Variants in HS6ST3 observed in about 807,000 individuals in gnomAD.
HS6ST3 encodes the protein heparan sulfate 6-O-sulfotransferase 3, also known as heparan-sulfate 6-O-sulfotransferase 3.
HS6ST3 carries 12 observed loss-of-function variants against 36.7 expected under a neutral mutation model. The ratio of observed to expected loss-of-function variants is 0.33; its 90% CI spans 0.21 to 0.53. The LOEUF is 0.53. Ranked by LOEUF, HS6ST3 falls within the 20% of genes least tolerant of loss-of-function variation. HS6ST3 has a pLI of 0.95. For synonymous variants in HS6ST3, 240 were observed against 257.5 expected, an observed-to-expected ratio of 0.93 and a Z score of 0.65; for missense variants, 584 against 640.9, an observed-to-expected ratio of 0.91 and a Z score of 0.96.
chr13:96,592,168 A>G (rs944910755), intron 1 of HS6ST3, among the ~76,000 whole-genome samples: 1 of 152,070 alleles, frequency 6.6e-6, no homozygotes, highest in Non-Finnish European at 1.5e-5. Context: ...TCTTTCTTTA[A>G]TATGTCTTTG....
At chr13:96,173,669 T>TGA (rs2054199004) in intron 1 of HS6ST3, among the ~76,000 whole-genome samples, 1 of 94,862 alleles carries the variant, frequency 1.1e-5, no homozygotes, top group African/African-American at 4.2e-5. Context: ...TCACAGGTTG[T>TGA]AAAAAAAAAA....
chr13:96,112,852 C>T (rs2053877399), intron 1 of HS6ST3, among the ~76,000 whole-genome samples: 1 of 151,798 alleles, frequency 6.6e-6, no homozygotes, highest in African/African-American at 2.4e-5. Flanking sequence ...TGGAGGGTAT[C>T]TGTGGGTTTG....
intron 1 of HS6ST3, among the ~76,000 whole-genome samples, chr13:96,637,311 T>C (rs1380332018): frequency 6.6e-6 from 1 of 152,146 alleles, no homozygotes; most frequent in Non-Finnish European, 1.5e-5. Flanking sequence ...GTTAAGCACC[T>C]GATATTTTGT....
intron 1 of HS6ST3, among the ~76,000 whole-genome samples, chr13:96,358,147 A>C (rs2055219259): frequency 6.6e-6 from 1 of 152,222 alleles, no homozygotes; most frequent in African/African-American, 2.4e-5. Context: ...TTAAAAAATA[A>C]AAATGGAAGA....
chr13:96,331,183 C>G (rs1010754330), intron 1 of HS6ST3, among the ~76,000 whole-genome samples: 1 of 152,218 alleles, frequency 6.6e-6, no homozygotes, highest in Non-Finnish European at 1.5e-5. Flanking sequence ...CTCAGCTCGT[C>G]AAAGTCATTC....
intron 1 of HS6ST3, among the ~76,000 whole-genome samples, chr13:96,140,624 C>CAAAATA (rs1271682761): frequency 6.6e-6 from 1 of 152,068 alleles, no homozygotes; most frequent in Admixed American, 6.6e-5. Flanking sequence ...CCTGCTATTT[C>CAAAATA]AAAATAAATG....
At chr13:96,503,286 A>G (rs1439786003) in intron 1 of HS6ST3, among the ~76,000 whole-genome samples, 13 of 152,266 alleles carry the variant, frequency 8.5e-5, no homozygotes, top group Admixed American at 3.3e-4. Context: ...AACAGAGTAA[A>G]TCAACATCTG....
chr13:96,485,328 A>G (rs1194911706), intron 1 of HS6ST3, among the ~76,000 whole-genome samples: 2 of 151,130 alleles, frequency 1.3e-5, no homozygotes, highest in African/African-American at 4.9e-5. Flanking sequence ...ATACCAAAAT[A>G]TTTTTTTTTA....
intron 1 of HS6ST3, among the ~76,000 whole-genome samples, chr13:96,183,203 G>A (rs184418671): frequency 4.6e-5 from 7 of 151,574 alleles, no homozygotes; most frequent in Non-Finnish European, 7.4e-5. Context: ...TTTTTTTGGC[G>A]GGGGGGAAGT....
At chr13:96,594,834 G>T (rs1190447808) in intron 1 of HS6ST3, among the ~76,000 whole-genome samples, 1 of 151,934 alleles carries the variant, frequency 6.6e-6, no homozygotes, top group Non-Finnish European at 1.5e-5. Context: ...TATACTTTCA[G>T]GTATTTTTGC....
intron 1 of HS6ST3, among the ~76,000 whole-genome samples, chr13:96,626,044 A>C (rs796595114): frequency 4.2e-4 from 63 of 151,224 alleles, no homozygotes; most frequent in African/African-American, 1.4e-3. Context: ...AGGCTTCACC[A>C]TGTTAGCCAG....
At chr13:96,689,541 G>A (rs561391352) in intron 1 of HS6ST3, among the ~76,000 whole-genome samples, 1 of 148,634 alleles carries the variant, frequency 6.7e-6, no homozygotes, top group Admixed American at 6.7e-5. Context: ...CCCCCAAAAT[G>A]TGTTAATTGG....
At chr13:96,642,467 T>G (rs1322718681) in intron 1 of HS6ST3, among the ~76,000 whole-genome samples, 1 of 151,926 alleles carries the variant, frequency 6.6e-6, no homozygotes, top group Non-Finnish European at 1.5e-5. Flanking sequence ...TCTTTGAATA[T>G]TCTTTCTGCT....
intron 1 of HS6ST3, among the ~76,000 whole-genome samples, chr13:96,261,558 A>T (rs1172098091): frequency 6.6e-6 from 1 of 152,166 alleles, no homozygotes; most frequent in Non-Finnish European, 1.5e-5. Context: ...AGAGGGCCAG[A>T]AGATGGCCTG....
chr13:96,669,823 T>C (rs1281335957), intron 1 of HS6ST3, among the ~76,000 whole-genome samples: 2 of 152,250 alleles, frequency 1.3e-5, no homozygotes, highest in East Asian at 3.9e-4. Flanking sequence ...AGTTGCTATA[T>C]TGACTTAGTT....
At chr13:96,679,684 T>A (rs2056711604) in intron 1 of HS6ST3, among the ~76,000 whole-genome samples, 1 of 152,184 alleles carries the variant, frequency 6.6e-6, no homozygotes, top group African/African-American at 2.4e-5. Context: ...ACTTGAATGC[T>A]GCTCTTCCCT....
intron 1 of HS6ST3, among the ~76,000 whole-genome samples, chr13:96,202,104 C>T (rs1402232097): frequency 6.6e-6 from 1 of 152,290 alleles, no homozygotes; most frequent in African/African-American, 2.4e-5. Context: ...TACTTTGATA[C>T]ATTGCAGTGG....
chr13:96,100,101 G>T (rs1185601569), intron 1 of HS6ST3, among the ~76,000 whole-genome samples: 2 of 151,594 alleles, frequency 1.3e-5, no homozygotes, highest in African/African-American at 4.9e-5. Flanking sequence ...AAATAGTCAA[G>T]GTAAAGAATG....
At chr13:96,664,484 G>T (rs2056656916) in intron 1 of HS6ST3, among the ~76,000 whole-genome samples, 1 of 152,100 alleles carries the variant, frequency 6.6e-6, no homozygotes, top group Non-Finnish European at 1.5e-5. Context: ...AAACTTCATA[G>T]TCTCTAACTT....
Sources: allele counts gnomAD v4.1 joint callset (sites outside exome capture counted in the v4.1 genomes callset), GRCh38; gene constraint gnomAD v4.1.1; transcripts MANE v1.5; gene names NCBI Gene and HGNC (gene_info 2026-07-23, HGNC 2026-07-21).